The following LINGO2 variants were observed in gnomAD, a reference collection of about 807,000 sequenced individuals.
LINGO2 encodes leucine-rich repeat and immunoglobulin-like domain-containing nogo receptor-interacting protein 2.
LINGO2 carries 14 observed loss-of-function variants against 30.6 expected under a neutral mutation model. That is an observed-to-expected ratio of 0.46 (90% CI 0.30 to 0.72). The LOEUF (loss-of-function observed/expected upper bound fraction) is 0.72. Among genes scored for constraint, LINGO2 ranks in the 30% least tolerant of loss-of-function variants. The pLI, the probability that LINGO2 is intolerant of heterozygous loss-of-function variation, is 0.07. For synonymous variants in LINGO2, 317 were observed against 288.5 expected (o/e 1.10, Z -1.00); for missense variants, 729 against 751.7 (o/e 0.97, Z 0.35).
At chr9:28,635,023 A>T (rs887385526) in intron 1 of LINGO2, among the ~76,000 whole-genome samples, 1 of 152,214 alleles carries the variant, frequency 6.6e-6, no homozygotes, top group Non-Finnish European at 1.5e-5. Flanking sequence ...TGGAACACCC[A>T]GAAGGAAGAG....
At chr9:28,392,062 G>GCGTGATGGCA in intron 2 of LINGO2, among the ~76,000 whole-genome samples, 1 of 152,230 alleles carries the variant, frequency 6.6e-6, no homozygotes, top group Admixed American at 6.5e-5. Flanking sequence ...AATTAGCGGG[G>GCGTGATGGCA]CGTGATGGCA....
intron 4 of LINGO2, among the ~76,000 whole-genome samples, chr9:28,256,991 A>T (rs1362786239): frequency 1.3e-5 from 2 of 151,848 alleles, no homozygotes; most frequent in African/African-American, 4.8e-5. Flanking sequence ...TGGATCATTA[A>T]AAATATTAAT....
chr9:28,538,208 T>C (rs1022166805), intron 1 of LINGO2, among the ~76,000 whole-genome samples: 7 of 151,610 alleles, frequency 4.6e-5, no homozygotes, highest in African/African-American at 1.2e-4. Context: ...CGGAAGAAAA[T>C]AGTGGAGTAT....
chr9:27,966,697 C>A (rs1820118505), intron 5 of LINGO2, among the ~76,000 whole-genome samples: 1 of 151,972 alleles, frequency 6.6e-6, no homozygotes, highest in Non-Finnish European at 1.5e-5. Flanking sequence ...TGTAACAAAC[C>A]TGCATGTTCA....
intron 4 of LINGO2, among the ~76,000 whole-genome samples, chr9:28,172,355 C>T (rs1828626654): frequency 6.7e-6 from 1 of 149,904 alleles, no homozygotes; most frequent in African/African-American, 2.5e-5. Context: ...CCCGCCACTG[C>T]ACTCCAGCCT....
intron 5 of LINGO2, among the ~76,000 whole-genome samples, chr9:27,952,178 TA>T (rs926900977): frequency 2.2e-4 from 33 of 152,088 alleles, no homozygotes; most frequent in African/African-American, 7.0e-4. Context: ...AAATGTAATT[TA>T]AAAAAAATTT....
chr9:27,960,737 TATACTGCTTAGTCC>T, intron 5 of LINGO2, among the ~76,000 whole-genome samples: 1 of 152,074 alleles, frequency 6.6e-6, no homozygotes, highest in East Asian at 1.9e-4. Flanking sequence ...TGCCTTTTGT[TATACTGCTTAGTCC>T]ATTTAAATTT....
At chr9:28,355,960 T>C (rs890480590) in intron 3 of LINGO2, among the ~76,000 whole-genome samples, 1 of 152,174 alleles carries the variant, frequency 6.6e-6, no homozygotes, top group Non-Finnish European at 1.5e-5. Context: ...ACTGAGAGAT[T>C]ATGTGATTTC....
the LINGO2 span, among the ~76,000 whole-genome samples, chr9:29,147,792 C>T: frequency 1.3e-5 from 2 of 152,020 alleles, no homozygotes; most frequent in South Asian, 4.1e-4. Flanking sequence ...AACTGAACAG[C>T]TCACAGTTCT....
intron 4 of LINGO2, among the ~76,000 whole-genome samples, chr9:28,083,612 A>G (rs1437421789): frequency 1.3e-5 from 2 of 152,152 alleles, no homozygotes; most frequent in Non-Finnish European, 2.9e-5. Flanking sequence ...TAATGGTTCA[A>G]TAAAATACCA....
chr9:29,085,946 T>C, the LINGO2 span, among the ~76,000 whole-genome samples: 1 of 152,170 alleles, frequency 6.6e-6, no homozygotes, highest in East Asian at 1.9e-4. Flanking sequence ...ATCCGTCTTA[T>C]CATAGCTAAG....
chr9:28,552,686 C>A (rs1335674042), intron 1 of LINGO2, among the ~76,000 whole-genome samples: 1 of 145,868 alleles, frequency 6.9e-6, no homozygotes, highest in Non-Finnish European at 1.5e-5. Flanking sequence ...TTTCTGTTTT[C>A]TCCTTCCGGG....
the LINGO2 span, among the ~76,000 whole-genome samples, chr9:28,694,999 T>A: frequency 6.6e-6 from 1 of 151,256 alleles, no homozygotes; most frequent in Admixed American, 6.6e-5. Context: ...TGTAGGTGAG[T>A]TGTATACCCA....
chr9:28,600,669 C>G (rs1343164558), intron 1 of LINGO2, among the ~76,000 whole-genome samples: 1 of 151,980 alleles, frequency 6.6e-6, no homozygotes, highest in Non-Finnish European at 1.5e-5. Flanking sequence ...AAACAAGGAG[C>G]TGTCTGGAGT....
chr9:28,544,290 T>A (rs1408395737), intron 1 of LINGO2, among the ~76,000 whole-genome samples: 1 of 152,270 alleles, frequency 6.6e-6, no homozygotes, highest in East Asian at 1.9e-4. Context: ...TTTTATGGAA[T>A]AGAGTTGCCA....
the LINGO2 span, chr9:27,940,675 G>A: frequency 6.6e-6 from 1 of 152,166 alleles, no homozygotes; most frequent in Non-Finnish European, 1.5e-5. Context: ...TCTAGCAAGG[G>A]CAGTATGCTC....
chr9:28,421,851 C>T (rs879337450), intron 2 of LINGO2, among the ~76,000 whole-genome samples: 3 of 151,970 alleles, frequency 2.0e-5, no homozygotes, highest in Admixed American at 6.6e-5. Context: ...CTCAGAAATA[C>T]CCCATCTCAT....
chr9:28,006,516 T>C (rs1278917238), intron 5 of LINGO2, among the ~76,000 whole-genome samples: 2 of 152,086 alleles, frequency 1.3e-5, no homozygotes, highest in Non-Finnish European at 2.9e-5. Flanking sequence ...CTATAAAAAA[T>C]AGAACAGAAG....
At chr9:29,124,498 T>G in the LINGO2 span, among the ~76,000 whole-genome samples, 4 of 152,056 alleles carry the variant, frequency 2.6e-5, no homozygotes, top group Non-Finnish European at 4.4e-5. Flanking sequence ...GGAGAAAACT[T>G]TTGCAATCTA....
Sources: gnomAD v4.1 joint callset for allele counts (sites outside exome capture counted in the v4.1 genomes callset) on GRCh38, gnomAD v4.1.1 for gene constraint, MANE v1.5 for transcripts, NCBI Gene and HGNC (gene_info 2026-07-23, HGNC 2026-07-21) for gene names.